The following XKR9 variants were observed in gnomAD, a reference collection of about 807,000 sequenced individuals.
XKR9 encodes XK-related protein 9.
Under a neutral mutation model 32.0 loss-of-function variants are expected in XKR9, and 32 were observed. The ratio of observed to expected loss-of-function variants is 1.00; its 90% CI spans 0.76 to 1.34. The LOEUF (loss-of-function observed/expected upper bound fraction) is 1.34, where lower values mean the gene tolerates loss of function less well. XKR9 is among the 40% of genes most tolerant of loss of function. The pLI is 0.00. For missense variants in XKR9, 546 were observed against 429.7 expected (o/e 1.27, Z -2.39); for synonymous variants, 168 against 143.4 (o/e 1.17, Z -1.22).
chr8:70,863,933 T>A, the XKR9 span, among the ~76,000 whole-genome samples: 1 of 152,212 alleles, frequency 6.6e-6, no homozygotes, highest in Non-Finnish European at 1.5e-5. Flanking sequence ...TGATGCCTTT[T>A]TATGCTCTCA....
the XKR9 span, among the ~76,000 whole-genome samples, chr8:71,009,546 C>G: frequency 6.9e-4 from 105 of 152,224 alleles, no homozygotes; most frequent in Admixed American, 3.2e-3. Context: ...TTACTTTTCT[C>G]TTAGGATTGT....
the XKR9 span, among the ~76,000 whole-genome samples, chr8:70,993,598 ACATCTTCCTTCCTTCCTTCCTTCCTTC>A: frequency 1.1e-4 from 15 of 136,726 alleles, no homozygotes; most frequent in Non-Finnish European, 2.1e-4. Context: ...GTTTCATAGG[ACATCTTCCTTCCTTCCTTCCTTCCTTC>A]CTTCCTTCCT....
the XKR9 span, among the ~76,000 whole-genome samples, chr8:70,926,121 C>G: frequency 3.3e-5 from 5 of 152,146 alleles, no homozygotes; most frequent in African/African-American, 1.2e-4. Flanking sequence ...GTTGCCTAGG[C>G]TGGAGTGCAA....
At chr8:70,768,580 TA>T in intron 2 of XKR9, among the ~76,000 whole-genome samples, 1 of 152,294 alleles carries the variant, frequency 6.6e-6, no homozygotes, top group East Asian at 1.9e-4. Context: ...AGTATGTCTC[TA>T]AAAACTTCCT....
chr8:70,915,795 G>T, the XKR9 span, among the ~76,000 whole-genome samples: 6 of 152,262 alleles, frequency 3.9e-5, no homozygotes, highest in Non-Finnish European at 8.8e-5. Flanking sequence ...CTTGTAGACA[G>T]AAATAGTCCT....
the XKR9 span, among the ~76,000 whole-genome samples, chr8:70,908,628 TC>T: frequency 6.6e-6 from 1 of 152,226 alleles, no homozygotes; most frequent in Non-Finnish European, 1.5e-5. Context: ...ATTCAATTAT[TC>T]CACTGCAGTG....
At chr8:70,821,867 C>T in the XKR9 span, among the ~76,000 whole-genome samples, 6 of 152,158 alleles carry the variant, frequency 3.9e-5, no homozygotes, top group Non-Finnish European at 7.3e-5. Context: ...GAGGGGCTGC[C>T]GTGAAGGTCT....
chr8:70,869,297 T>G, the XKR9 span, among the ~76,000 whole-genome samples: 6 of 152,188 alleles, frequency 3.9e-5, no homozygotes, highest in African/African-American at 1.4e-4. Flanking sequence ...ACTAGGTAAT[T>G]GATACAGGAA....
chr8:71,051,727 A>T, the XKR9 span, among the ~76,000 whole-genome samples: 1 of 152,276 alleles, frequency 6.6e-6, no homozygotes, highest in Non-Finnish European at 1.5e-5. Flanking sequence ...CATTATGATT[A>T]CAAAGGCGAT....
the XKR9 span, among the ~76,000 whole-genome samples, chr8:70,799,701 A>G: frequency 6.6e-6 from 1 of 152,084 alleles, no homozygotes; most frequent in Non-Finnish European, 1.5e-5. Flanking sequence ...TGATTTTTGT[A>G]TATTGATTTT....
chr8:70,717,436 TCTTGA>T (rs1358044292), intron 4 of XKR9, among the ~76,000 whole-genome samples: 1 of 152,190 alleles, frequency 6.6e-6, no homozygotes, highest in Non-Finnish European at 1.5e-5. Flanking sequence ...AAATCTCACT[TCTTGA>T]CTTCTGTGCT....
chr8:70,902,939 T>C, the XKR9 span, among the ~76,000 whole-genome samples: 3 of 152,168 alleles, frequency 2.0e-5, no homozygotes, highest in Non-Finnish European at 4.4e-5. Flanking sequence ...TGATGGATTA[T>C]GTGTATTGAT....
At chr8:70,855,492 T>G in the XKR9 span, among the ~76,000 whole-genome samples, 7 of 152,170 alleles carry the variant, frequency 4.6e-5, no homozygotes, top group Non-Finnish European at 1.0e-4. Flanking sequence ...AGACCAAATC[T>G]ACGTCTGATT....
chr8:70,904,521 C>A, the XKR9 span, among the ~76,000 whole-genome samples: 1 of 152,124 alleles, frequency 6.6e-6, no homozygotes, highest in Admixed American at 6.5e-5. Flanking sequence ...TATCTCTGCA[C>A]GTGAGATGGG....
the XKR9 span, among the ~76,000 whole-genome samples, chr8:71,060,660 A>C: frequency 1.9e-3 from 282 of 152,264 alleles, no homozygotes; most frequent in Non-Finnish European, 3.0e-3. Context: ...TGAGGAGAGG[A>C]GGGCCTCTCA....
intron 1 of XKR9, among the ~76,000 whole-genome samples, chr8:70,671,600 T>G (rs1818718005): frequency 1.2e-5 from 1 of 82,450 alleles, no homozygotes; most frequent in East Asian, 2.1e-4. Context: ...TTTTTGTTCT[T>G]GCGATAGTTT....
At chr8:71,064,931 C>T in the XKR9 span, among the ~76,000 whole-genome samples, 6 of 152,198 alleles carry the variant, frequency 3.9e-5, no homozygotes, top group South Asian at 2.1e-4. Flanking sequence ...TCATCTTGGA[C>T]GCTGGGAAAG....
At chr8:70,786,950 T>C (rs1436990728) in intron 2 of XKR9, among the ~76,000 whole-genome samples, 4 of 152,152 alleles carry the variant, frequency 2.6e-5, no homozygotes, top group African/African-American at 9.6e-5. Context: ...TATTTTTGGT[T>C]TGTGGTTACC....
chr8:70,760,321 G>T (rs1358217909), intron 2 of XKR9, among the ~76,000 whole-genome samples: 1 of 152,070 alleles, frequency 6.6e-6, no homozygotes, highest in Admixed American at 6.6e-5. Context: ...TTACCTATTT[G>T]CTCATTAACT....
Sources: gnomAD v4.1 joint callset for allele counts (sites outside exome capture counted in the v4.1 genomes callset) on GRCh38, gnomAD v4.1.1 for gene constraint, MANE v1.5 for transcripts, NCBI Gene and HGNC (gene_info 2026-07-23, HGNC 2026-07-21) for gene names.